The following CDK14 variants were observed in gnomAD, a reference collection of about 807,000 sequenced individuals.
CDK14 encodes the protein cyclin dependent kinase 14.
In CDK14, 34 loss-of-function variants were observed where a neutral mutation model predicts 60.7. The observed-to-expected ratio is 0.56, with a 90% CI of 0.43 to 0.75. The LOEUF is 0.75. CDK14 is among the 30% of genes least tolerant of loss of function. The pLI is 0.00. For synonymous variants in CDK14, 197 were observed against 203.7 expected (o/e 0.97, Z 0.28); for missense variants, 482 against 564.1 (o/e 0.85, Z 1.47).
chr7:90,734,984 G>A (rs1232506045), intron 3 of CDK14, among the ~76,000 whole-genome samples: 17 of 152,118 alleles, frequency 1.1e-4, no homozygotes, highest in African/African-American at 3.9e-4. Context: ...GGTGACCTTC[G>A]GATGGGGTCT....
intron 2 of CDK14, among the ~76,000 whole-genome samples, chr7:90,701,254 G>A (rs62469734): frequency 0.082 from 12,525 of 152,200 alleles, 583 homozygotes; most frequent in South Asian, 0.11. Context: ...AGGATAGTCA[G>A]TTTATTTCCC....
At chr7:90,709,779 T>G in intron 2 of CDK14, 1 of 1,429,020 alleles carries the variant, frequency 7.0e-7, no homozygotes. Flanking sequence ...GCTTTTTTTT[T>G]TTTGCTTGCT....
chr7:90,751,293 A>C (rs1317358392), intron 4 of CDK14, among the ~76,000 whole-genome samples: 1 of 152,236 alleles, frequency 6.6e-6, no homozygotes, highest in Non-Finnish European at 1.5e-5. Flanking sequence ...GATCACATAT[A>C]AAGGGAACAC....
At chr7:90,599,598 T>C (rs2116304792) in intron 1 of CDK14, among the ~76,000 whole-genome samples, 1 of 152,362 alleles carries the variant, frequency 6.6e-6, no homozygotes, top group Non-Finnish European at 1.5e-5. Flanking sequence ...CTGTCATTGT[T>C]CCTTGCAATT....
intron 7 of CDK14, among the ~76,000 whole-genome samples, chr7:90,912,102 G>T (rs140819419): frequency 9.0e-4 from 137 of 152,234 alleles, no homozygotes; most frequent in African/African-American, 3.1e-3. Context: ...TCAGTGATCC[G>T]ACTGATGGAT....
rs1018245195 is a variant in CDK14 at position 90,956,495 on chromosome 7, A to C, written c.947+678A>C. Among the ~76,000 whole-genome samples the C allele has an allele frequency of 3.3e-5, 5 of 152,204 alleles. No individual in the cohort carries two copies. The East Asian group carries it at 9.6e-4, about 29-fold the overall frequency. On this transcript the variant is annotated intron_variant, in intron 9 of 14. Coordinates refer to ENST00000380050, the MANE Select transcript of CDK14 (RefSeq NM_001287135.2). ...ATAAGGGAATAATCTAATTTTTGGC[A>C]TGAAGGACGGACTGTTGAACATATC...
At chr7:90,856,569 C>T (rs527833661) in intron 5 of CDK14, among the ~76,000 whole-genome samples, 11 of 152,252 alleles carry the variant, frequency 7.2e-5, no homozygotes, top group South Asian at 2.1e-4. Context: ...GCTCAGCGTA[C>T]GCACATGTTC....
At chr7:90,833,668 T>TAA (rs1789991557) in intron 5 of CDK14, among the ~76,000 whole-genome samples, 6 of 152,192 alleles carry the variant, frequency 3.9e-5, no homozygotes, top group Admixed American at 1.3e-4. Context: ...AAGCACCAGA[T>TAA]AGTCTGACTA....
intron 11 of CDK14, among the ~76,000 whole-genome samples, chr7:91,050,847 C>T (rs1396092611): frequency 2.6e-5 from 4 of 151,952 alleles, no homozygotes; most frequent in African/African-American, 7.3e-5. Flanking sequence ...AAAGAGGGAG[C>T]GAAAGAGAAG....
At chr7:90,858,997 C>A (rs1346141029) in intron 5 of CDK14, among the ~76,000 whole-genome samples, 1 of 152,144 alleles carries the variant, frequency 6.6e-6, no homozygotes, top group African/African-American at 2.4e-5. Context: ...CACTTGAGTG[C>A]TGGTTTATAA....
chr7:90,662,221 A>G (rs987999848), intron 2 of CDK14, among the ~76,000 whole-genome samples: 2 of 152,228 alleles, frequency 1.3e-5, no homozygotes, highest in Admixed American at 6.5e-5. Flanking sequence ...TTCTGGTATC[A>G]TTTATCATGA....
intron 2 of CDK14, among the ~76,000 whole-genome samples, chr7:90,624,195 C>T (rs1296093298): frequency 6.6e-6 from 1 of 152,076 alleles, no homozygotes; most frequent in Non-Finnish European, 1.5e-5. Flanking sequence ...TGTCTGGGAC[C>T]CAGGTTTCCT....
chr7:90,640,169 C>T (rs1475873872), intron 2 of CDK14, among the ~76,000 whole-genome samples: 3 of 152,150 alleles, frequency 2.0e-5, no homozygotes, highest in Admixed American at 6.5e-5. Context: ...GATATGAACC[C>T]GGTACCTCAG....
At chr7:90,653,413 C>T (rs928119023) in intron 2 of CDK14, among the ~76,000 whole-genome samples, 1 of 151,976 alleles carries the variant, frequency 6.6e-6, no homozygotes, top group East Asian at 1.9e-4. Flanking sequence ...CCATTAGATT[C>T]GCACCTGTTG....
intron 8 of CDK14, among the ~76,000 whole-genome samples, chr7:90,949,996 T>C (rs1794207061): frequency 6.6e-6 from 1 of 152,244 alleles, no homozygotes; most frequent in Non-Finnish European, 1.5e-5. Context: ...TCATAGTGAT[T>C]ATATGAGTAG....
chr7:90,744,420 A>G (rs1241916352), intron 3 of CDK14, among the ~76,000 whole-genome samples: 1 of 152,192 alleles, frequency 6.6e-6, no homozygotes, highest in Non-Finnish European at 1.5e-5. Context: ...CTCTCTATAC[A>G]GACACGGCAA....
At chr7:90,934,835 A>G (rs1793700982) in intron 8 of CDK14, among the ~76,000 whole-genome samples, 1 of 152,220 alleles carries the variant, frequency 6.6e-6, no homozygotes, top group African/African-American at 2.4e-5. Flanking sequence ...CTAACTTCAA[A>G]CTAAACTGCT....
intron 3 of CDK14, among the ~76,000 whole-genome samples, chr7:90,746,075 G>A (rs899168137): frequency 6.6e-6 from 1 of 152,122 alleles, no homozygotes; most frequent in Non-Finnish European, 1.5e-5. Context: ...CTGTTTATGT[G>A]TTGATTAGTC....
At chr7:91,027,167 G>T (rs1022999229) in intron 10 of CDK14, among the ~76,000 whole-genome samples, 1 of 152,158 alleles carries the variant, frequency 6.6e-6, no homozygotes, top group African/African-American at 2.4e-5. Context: ...GGAAAATAAT[G>T]GGCCAAATAT....
Sources: gnomAD v4.1 joint callset for allele counts (sites outside exome capture counted in the v4.1 genomes callset) on GRCh38, gnomAD v4.1.1 for gene constraint, MANE v1.5 for transcripts, NCBI Gene and HGNC (gene_info 2026-07-23, HGNC 2026-07-21) for gene names.